Variants in ZNF503 observed in about 807,000 individuals in gnomAD.
ZNF503 encodes zinc finger protein 503, also known as NocA-like zinc finger 2.
ZNF503 carries 15 observed loss-of-function variants against 34.4 expected under a neutral mutation model. That is an observed-to-expected ratio of 0.44 (90% CI 0.29 to 0.67). The LOEUF (loss-of-function observed/expected upper bound fraction) is 0.67. ZNF503 is among the 30% of genes least tolerant of loss of function. The pLI, the probability that ZNF503 is intolerant of heterozygous loss-of-function variation, is 0.13. For missense variants in ZNF503, 1,007 were observed against 926.8 expected (o/e 1.09, Z -1.12); for synonymous variants, 580 against 456.8 (o/e 1.27, Z -3.44).
intron 1 of ZNF503, among the ~76,000 whole-genome samples, chr10:75,400,616 C>A (rs1393378735): frequency 6.6e-6 from 1 of 152,148 alleles, no homozygotes; most frequent in Non-Finnish European, 1.5e-5. Flanking sequence ...ATCTTTCCTG[C>A]CCTCTCTGAG....
chr10:75,370,059 A>AGAATAAAT, the ZNF503 span, among the ~76,000 whole-genome samples: 1 of 142,708 alleles, frequency 7.0e-6, no homozygotes, highest in African/African-American at 2.6e-5. Context: ...ACTACATGTC[A>AGAATAAAT]AAATAAATAA....
chr10:75,376,721 C>T, the ZNF503 span, among the ~76,000 whole-genome samples: 4 of 152,134 alleles, frequency 2.6e-5, no homozygotes, highest in Admixed American at 6.6e-5. Context: ...CACAATTCTG[C>T]GTGGCTGGGG....
the ZNF503 span, among the ~76,000 whole-genome samples, chr10:75,365,272 T>G: frequency 2.6e-5 from 4 of 152,208 alleles, no homozygotes; most frequent in African/African-American, 7.2e-5. Flanking sequence ...CTCAGCCTGC[T>G]AAGTAGCTGG....
At chr10:75,366,123 C>T in the ZNF503 span, among the ~76,000 whole-genome samples, 1 of 152,114 alleles carries the variant, frequency 6.6e-6, no homozygotes. Context: ...GTAATCTGTG[C>T]CCCCCAAAAG....
rs1462940872 is a variant in ZNF503, at chr10:75,401,299, A to T, written c.121T>A (p.Ser41Thr). The change falls in exon 1 of 2, where the codon TCC becomes ACC. Residue 41 changes from serine (S) to threonine (T), a missense_variant. Physicochemically the swap from Ser to Thr is moderately conservative, Grantham distance 58. Transcript: ENST00000372524. ...AWTSALSGNS[S>T]GPGPGSSPAG... Reference sequence around the variant, plus strand: ...GGGGACGAGCCTGGGCCGGGGCCGGAGCTATTTCCAGAGAGCGCGCTGGTC... The same window carrying T: ...GGGGACGAGCCTGGGCCGGGGCCGGTGCTATTTCCAGAGAGCGCGCTGGTC... 1 of 1,559,466 alleles carries T rather than the reference A, an allele frequency of 6.4e-7. No individual in the cohort carries two copies. The highest frequency in any genetic ancestry group is 1.4e-5 in the African/African-American group (1 of 73,554).
chr10:75,394,923 A>T (rs1160134123), downstream of ZNF503, among the ~76,000 whole-genome samples: 3 of 152,128 alleles, frequency 2.0e-5, no homozygotes, highest in African/African-American at 7.2e-5. Context: ...GCACAAGGAC[A>T]CCAGGGTCGC....
chr10:75,386,048 A>C, the ZNF503 span, among the ~76,000 whole-genome samples: 1 of 152,190 alleles, frequency 6.6e-6, no homozygotes, highest in Non-Finnish European at 1.5e-5. Flanking sequence ...CCAGGTACCC[A>C]GGCTTGGGTT....
At chr10:75,294,687 C>A in the ZNF503 span, among the ~76,000 whole-genome samples, 12 of 139,118 alleles carry the variant, frequency 8.6e-5, no homozygotes, top group East Asian at 2.3e-3. Context: ...AGGGGGAGGA[C>A]ACTGAGCGGA....
At position 75,401,152 on chromosome 10, in the gene ZNF503, G is replaced by A. The variant is rs757050303; in HGVS notation, c.268C>T (p.Pro90Ser). The A allele has an allele frequency of 6.2e-7, 1 of 1,612,206 alleles. No homozygotes were observed. Among genetic ancestry groups the A allele is most frequent in the South Asian group, 1.1e-5 (1 of 90,890 alleles). The change falls in exon 1 of 2, where the codon CCC becomes TCC. Residue 90 changes from proline (P) to serine (S), a missense_variant. Physicochemically the swap from Pro to Ser is moderately conservative, Grantham distance 74. Transcript: ENST00000372524. ...GAAGGCAGGGGCTGCAGGTACTCGG[G>A]GTGCAAAATGTGGCCAGTTCGTGCC... Reference protein sequence around the residue: ...LTARTGHILHPEYLQPLPSTP... With the variant: ...LTARTGHILHSEYLQPLPSTP...
chr10:75,391,987 G>A, the ZNF503 span, among the ~76,000 whole-genome samples: 1 of 152,094 alleles, frequency 6.6e-6, no homozygotes, highest in Non-Finnish European at 1.5e-5. Flanking sequence ...CGATAAAAAG[G>A]GCCTGGGGCG....
At chr10:75,344,561 G>A in the ZNF503 span, among the ~76,000 whole-genome samples, 2 of 152,186 alleles carry the variant, frequency 1.3e-5, no homozygotes, top group Non-Finnish European at 2.9e-5. Flanking sequence ...TGGAGTTCCT[G>A]CAGCCATCAG....
the ZNF503 span, among the ~76,000 whole-genome samples, chr10:75,337,729 A>G: frequency 9.5e-3 from 1,452 of 152,330 alleles, 25 homozygotes; most frequent in African/African-American, 0.034. Flanking sequence ...CACAGGACTG[A>G]TGAAGCAGAA....
At chr10:75,370,778 CAAAAAAAAAAAAAAAAAAA>C in the ZNF503 span, among the ~76,000 whole-genome samples, 469 of 67,968 alleles carry the variant, frequency 6.9e-3, 3 homozygotes, top group Non-Finnish European at 9.6e-3. Flanking sequence ...GGCTCCATCT[CAAAAAAAAAAAAAAAAAAA>C]AAAAAAAAAA....
At chr10:75,368,911 G>A in the ZNF503 span, among the ~76,000 whole-genome samples, 5 of 152,176 alleles carry the variant, frequency 3.3e-5, no homozygotes, top group Non-Finnish European at 5.9e-5. Context: ...ACTGAACAGC[G>A]GATAGTTTAA....
the ZNF503 span, among the ~76,000 whole-genome samples, chr10:75,327,791 A>C: frequency 6.6e-6 from 1 of 152,150 alleles, no homozygotes; most frequent in Non-Finnish European, 1.5e-5. Context: ...TAGCCATTCT[A>C]ACTGGGGTGA....
the ZNF503 span, among the ~76,000 whole-genome samples, chr10:75,337,340 C>A: frequency 1.4e-5 from 2 of 144,180 alleles, no homozygotes; most frequent in African/African-American, 2.6e-5. Flanking sequence ...AAAAAAAATT[C>A]TCGGTGGGGC....
At chr10:75,373,979 C>CT in the ZNF503 span, among the ~76,000 whole-genome samples, 1 of 152,198 alleles carries the variant, frequency 6.6e-6, no homozygotes, top group Non-Finnish European at 1.5e-5. Context: ...TCCACAGTGA[C>CT]TTGGCATACT....
the ZNF503 span, among the ~76,000 whole-genome samples, chr10:75,313,415 T>G: frequency 6.6e-6 from 1 of 152,188 alleles, no homozygotes; most frequent in East Asian, 1.9e-4. Flanking sequence ...CATAGGCCTG[T>G]GATTTTGTCA....
At chr10:75,336,212 C>T in the ZNF503 span, among the ~76,000 whole-genome samples, 2,437 of 152,202 alleles carry the variant, frequency 0.016, 27 homozygotes, top group Middle Eastern at 0.037. Flanking sequence ...TCTATTACAC[C>T]TACTAAGCAT....
Sources: allele counts gnomAD v4.1 joint callset (sites outside exome capture counted in the v4.1 genomes callset), GRCh38; gene constraint gnomAD v4.1.1; transcripts MANE v1.5; gene names NCBI Gene and HGNC (gene_info 2026-07-23, HGNC 2026-07-21).